GDI2: variants seen among roughly 807,000 people sequenced by gnomAD.
GDI2 encodes the protein GDP dissociation inhibitor 2, also known as rab GDP dissociation inhibitor beta.
A neutral mutation model predicts 54.2 loss-of-function variants in GDI2; 22 were observed. The observed-to-expected ratio is 0.41, with a 90% CI of 0.29 to 0.58. The LOEUF is 0.58. Ranked by LOEUF, GDI2 falls within the 20% of genes least tolerant of loss-of-function variation. The pLI, the probability that GDI2 is intolerant of heterozygous loss-of-function variation, is 0.35. For missense variants in GDI2, 422 were observed against 546.0 expected (o/e 0.77, Z 2.26); for synonymous variants, 177 against 182.1 (o/e 0.97, Z 0.23).
chr10:5,801,155 G>A (rs1841262514), intron 1 of GDI2, among the ~76,000 whole-genome samples: 1 of 151,878 alleles, frequency 6.6e-6, no homozygotes, highest in African/African-American at 2.4e-5. Context: ...GTTTCACCAT[G>A]TTGGCCAGGC....
intron 7 of GDI2, among the ~76,000 whole-genome samples, chr10:5,773,049 C>T (rs1291023406): frequency 6.6e-6 from 1 of 151,880 alleles, no homozygotes; most frequent in African/African-American, 2.4e-5. Flanking sequence ...GCGTTTTTTG[C>T]CCCAAGTCAG....
chr10:5,780,250 C>G (rs986952248), intron 6 of GDI2, among the ~76,000 whole-genome samples: 4 of 144,574 alleles, frequency 2.8e-5, no homozygotes, highest in Non-Finnish European at 6.1e-5. Context: ...AAAAACAGAC[C>G]AAACTATAAA....
Position 5,796,949 on chromosome 10 carries a change from AG to A in GDI2, c.154-88del, listed in dbSNP as rs1447105232. 1.4e-5 allele frequency: 9 copies of A among 657,866 alleles called. No homozygotes were observed. The Admixed American group carries it at 2.0e-4, about 14-fold the overall frequency. 40.8% of individuals were successfully genotyped at this position (657,866 alleles called of 1,614,324 possible). A position where few individuals can be genotyped will look rare whatever the true frequency, so the allele number is the denominator to read the frequency against. ...TACATATTTTTTATTAAGTGCTTTT[AG>A]TATAACTAAACACCACCATGCTAGT... On this transcript the variant is annotated intron_variant, in intron 2 of 10. Transcript: ENST00000380191.
At chr10:5,809,591 G>A (rs1169743633) in intron 1 of GDI2, among the ~76,000 whole-genome samples, 1 of 152,144 alleles carries the variant, frequency 6.6e-6, no homozygotes, top group Non-Finnish European at 1.5e-5. Context: ...CCTCTTAGGG[G>A]ACTTAATGCT....
At chr10:5,786,104 A>T in intron 4 of GDI2, 54 bp from the exon 5 acceptor site, 1 of 1,192,480 alleles carries the variant, frequency 8.4e-7, no homozygotes, top group East Asian at 2.3e-5. Flanking sequence ...CATTGAGGAG[A>T]ACGAAGTATG....
At chr10:5,783,807 C>T (rs1840812200) in intron 6 of GDI2, among the ~76,000 whole-genome samples, 1 of 152,196 alleles carries the variant, frequency 6.6e-6, no homozygotes, top group African/African-American at 2.4e-5. Flanking sequence ...GCTGAGAAAT[C>T]TGTTAATCTG....
At chr10:5,812,655 A>C (rs543843777) in intron 1 of GDI2, among the ~76,000 whole-genome samples, 1 of 152,342 alleles carries the variant, frequency 6.6e-6, no homozygotes, top group Admixed American at 6.5e-5. Flanking sequence ...GGATTAAAAG[A>C]CTAATTTCCA....
chr10:5,793,108 C>T (rs1301118274), intron 4 of GDI2, among the ~76,000 whole-genome samples: 1 of 152,158 alleles, frequency 6.6e-6, no homozygotes, highest in Non-Finnish European at 1.5e-5. Context: ...GATCCTCCTG[C>T]CTCAGCCTCC....
chr10:5,794,177 A>AAG (rs1841080495), intron 4 of GDI2, among the ~76,000 whole-genome samples: 1 of 38,202 alleles, frequency 2.6e-5, no homozygotes, highest in Non-Finnish European at 5.2e-5. Flanking sequence ...TAAAAGAAAA[A>AAG]AAAAAAAAAA....
intron 4 of GDI2, among the ~76,000 whole-genome samples, chr10:5,791,329 G>A (rs1841007407): frequency 6.6e-6 from 1 of 152,080 alleles, no homozygotes; most frequent in South Asian, 2.1e-4. Context: ...ATGTTCTGGG[G>A]CCGGGCACAG....
Position 5,776,227 on chromosome 10 carries a change from G to A in GDI2, c.720-2286C>T. ...CTCATTTTTCACTGGAATTGCAAAG[G>A]AATAGGAAACAGCGCCTCCTCATCC... is the stretch of plus-strand genomic sequence containing the variant. On this transcript the variant is annotated intron_variant, in intron 6 of 10. Coordinates refer to ENST00000380191, the MANE Select transcript of GDI2 (RefSeq NM_001494.4). The surrounding 1 kb of genome is among the most constrained non-coding windows in gnomAD (Gnocchi z 5.3). 4.5e-6 allele frequency: 2 copies of A among 439,922 alleles called. No homozygotes were observed. Among genetic ancestry groups the A allele is most frequent in the Non-Finnish European group, 8.7e-6 (2 of 229,388 alleles). The allele number at this position is 439,922 out of a possible 1,614,324, so 27.3% of individuals were successfully genotyped here.
chr10:5,809,363 A>G (rs2131724663), intron 1 of GDI2, among the ~76,000 whole-genome samples: 1 of 152,134 alleles, frequency 6.6e-6, no homozygotes, highest in African/African-American at 2.4e-5. Flanking sequence ...CACATTTCTT[A>G]GCCTAGAATC....
chr10:5,780,957 T>C (rs551427468), intron 6 of GDI2, among the ~76,000 whole-genome samples: 5 of 152,264 alleles, frequency 3.3e-5, no homozygotes, highest in Non-Finnish European at 5.9e-5. Context: ...GAAGAAAAAG[T>C]TGGCGAAAGT....
intron 4 of GDI2, among the ~76,000 whole-genome samples, chr10:5,790,897 T>A (rs1486024107): frequency 6.6e-6 from 1 of 152,208 alleles, no homozygotes; most frequent in African/African-American, 2.4e-5. Context: ...GGCTCACGCC[T>A]GTAGTGCTAA....
At chr10:5,809,687 A>G (rs1248940147) in intron 1 of GDI2, among the ~76,000 whole-genome samples, 6 of 152,194 alleles carry the variant, frequency 3.9e-5, no homozygotes, top group Admixed American at 3.9e-4. Context: ...TTTACTGCCC[A>G]TAACTGATCA....
chr10:5,799,183 A>T (rs1034952574), intron 2 of GDI2, among the ~76,000 whole-genome samples: 2 of 151,968 alleles, frequency 1.3e-5, no homozygotes, highest in African/African-American at 4.8e-5. Context: ...CTCTACAAAA[A>T]ATAAAATAAG....
chr10:5,799,446 G>A (rs916527791), intron 2 of GDI2, among the ~76,000 whole-genome samples: 1 of 152,020 alleles, frequency 6.6e-6, no homozygotes, highest in Non-Finnish European at 1.5e-5. Context: ...GAGGTCAGGG[G>A]TTCCAGACCA....
chr10:5,766,694 A>G lies in GDI2; in HGVS notation c.992-56T>C. On this transcript the variant is annotated intron_variant, in intron 8 of 10. Coordinates refer to ENST00000380191, the MANE Select transcript of GDI2 (RefSeq NM_001494.4). This position sits in a 1 kb window ranked among gnomAD's most constrained non-coding sequence, Gnocchi z 5.8. ...CAAGTGTCTCCATCTGGGACCCAAC[A>G]TACTCAGGTATCACCCATATGTCAT... is the stretch of plus-strand genomic sequence containing the variant. 2 of 1,399,606 alleles carry G rather than the reference A, an allele frequency of 1.4e-6. No individual in the cohort carries two copies. The highest frequency in any genetic ancestry group is 2.0e-6 in the Non-Finnish European group (2 of 986,950). 86.7% of individuals were successfully genotyped at this position (1,399,606 alleles called of 1,614,324 possible). A position where few individuals can be genotyped will look rare whatever the true frequency, so the allele number is the denominator to read the frequency against.
intron 5 of GDI2, among the ~76,000 whole-genome samples, chr10:5,785,637 A>C (rs1840856734): frequency 6.6e-6 from 1 of 152,190 alleles, no homozygotes; most frequent in South Asian, 2.1e-4. Context: ...TGGCCTCCCA[A>C]AGTGCTGGGA....
Sources: gnomAD v4.1 joint callset for allele counts (sites outside exome capture counted in the v4.1 genomes callset) on GRCh38, gnomAD v4.1.1 for gene constraint, Gnocchi (gnomAD v3.1) non-coding constraint, MANE v1.5 for transcripts, NCBI Gene and HGNC (gene_info 2026-07-23, HGNC 2026-07-21) for gene names.